NCAM2: variants seen among roughly 807,000 people sequenced by gnomAD.
NCAM2 encodes N-CAM-2.
In NCAM2, 30 loss-of-function variants were observed where a neutral mutation model predicts 98.1. That is an observed-to-expected ratio of 0.31 (90% CI 0.23 to 0.41). The LOEUF (loss-of-function observed/expected upper bound fraction) is 0.41, where lower values mean the gene tolerates loss of function less well. Ranked by LOEUF, NCAM2 falls within the 10% of genes least tolerant of loss-of-function variation. NCAM2 has a pLI of 1.00. For missense variants in NCAM2, 867 were observed against 1,005.8 expected (o/e 0.86, Z 1.87); for synonymous variants, 368 against 342.4 (o/e 1.07, Z -0.83).
intron 1 of NCAM2, chr21:21,210,435 C>A: frequency 2.2e-6 from 2 of 899,046 alleles, no homozygotes; most frequent in Non-Finnish European, 2.9e-6. Context: ...TATTTAAGAG[C>A]ACCAGGACAC....
chr21:21,079,349 T>C (rs1164480250), intron 1 of NCAM2, among the ~76,000 whole-genome samples: 1 of 152,128 alleles, frequency 6.6e-6, no homozygotes, highest in Non-Finnish European at 1.5e-5. Context: ...ATAAGACACC[T>C]CTATGAGTGA....
chr21:21,256,135 A>G (rs2071661318), intron 1 of NCAM2, among the ~76,000 whole-genome samples: 1 of 152,108 alleles, frequency 6.6e-6, no homozygotes, highest in South Asian at 2.1e-4. Flanking sequence ...TGGGTGGATC[A>G]CCTGAGGTCA....
At chr21:21,360,841 T>C (rs1388750019) in intron 8 of NCAM2, among the ~76,000 whole-genome samples, 1 of 152,010 alleles carries the variant, frequency 6.6e-6, no homozygotes, top group Non-Finnish European at 1.5e-5. Flanking sequence ...TTCCAGAACA[T>C]AACGTAAATT....
chr21:21,534,404 G>C (rs957145915), intron 16 of NCAM2, 133 bp from the exon 17 acceptor site: 1 of 648,206 alleles, frequency 1.5e-6, no homozygotes, highest in African/African-American at 1.9e-5. Context: ...GCATTTCTCA[G>C]TGGTTTTCTT....
chr21:21,365,167 A>C (rs1210187852), intron 8 of NCAM2, among the ~76,000 whole-genome samples: 5 of 152,042 alleles, frequency 3.3e-5, no homozygotes, highest in African/African-American at 1.2e-4. Context: ...AATTTCACAC[A>C]CACACAGAGA....
intron 5 of NCAM2, among the ~76,000 whole-genome samples, chr21:21,322,524 G>A (rs1421990495): frequency 1.3e-5 from 2 of 152,162 alleles, no homozygotes; most frequent in African/African-American, 4.8e-5. Flanking sequence ...CCTCTGCTAG[G>A]TGAAAAATCT....
intron 1 of NCAM2, among the ~76,000 whole-genome samples, chr21:21,262,163 G>A (rs4594535): frequency 0.99 from 150,950 of 152,242 alleles, 74,851 homozygotes; most frequent in East Asian, 1. Flanking sequence ...CCAGGAAGAA[G>A]TAGAAACTCT....
chr21:21,240,311 A>G (rs2071013662), intron 1 of NCAM2, among the ~76,000 whole-genome samples: 1 of 152,084 alleles, frequency 6.6e-6, no homozygotes, highest in Non-Finnish European at 1.5e-5. Context: ...AAAATTTTAT[A>G]GAGTTTTAAC....
intron 12 of NCAM2, among the ~76,000 whole-genome samples, chr21:21,463,549 C>G (rs1983274992): frequency 6.6e-6 from 1 of 152,056 alleles, no homozygotes; most frequent in Non-Finnish European, 1.5e-5. Context: ...TAGCCCAGGA[C>G]TGTAATAACA....
chr21:21,314,935 A>G (rs985605918), intron 5 of NCAM2, among the ~76,000 whole-genome samples: 2 of 152,240 alleles, frequency 1.3e-5, no homozygotes, highest in Non-Finnish European at 2.9e-5. Flanking sequence ...AACATGTGTC[A>G]GCATGCCATT....
intron 1 of NCAM2, among the ~76,000 whole-genome samples, chr21:21,106,314 C>CAAAAAAAAAAAGAAAAAAAAAAAAA: frequency 9.7e-6 from 1 of 103,490 alleles, no homozygotes; most frequent in Non-Finnish European, 1.8e-5. Context: ...GTCTCAAAAG[C>CAAAAAAAAAAAGAAAAAAAAAAAAA]AAAAAAAAAA....
intron 1 of NCAM2, among the ~76,000 whole-genome samples, chr21:21,006,179 A>G (rs752626752): frequency 6.6e-6 from 1 of 152,126 alleles, no homozygotes. Context: ...ACCATTGATA[A>G]ACCAGGGGAT....
chr21:21,421,856 A>C (rs2077117599), intron 11 of NCAM2, among the ~76,000 whole-genome samples: 1 of 152,218 alleles, frequency 6.6e-6, no homozygotes, highest in Non-Finnish European at 1.5e-5. Flanking sequence ...ATTTTTGTAC[A>C]CATTCAGTGG....
chr21:21,313,814 G>T (rs553727733), intron 5 of NCAM2, among the ~76,000 whole-genome samples: 1 of 151,892 alleles, frequency 6.6e-6, no homozygotes. Context: ...GTATTTTACT[G>T]TATCTATAAT....
intron 9 of NCAM2, among the ~76,000 whole-genome samples, chr21:21,387,870 CAGTG>C (rs2076302634): frequency 6.6e-6 from 1 of 152,070 alleles, no homozygotes; most frequent in Non-Finnish European, 1.5e-5. Context: ...ATGTGGGAAA[CAGTG>C]AGAAAGTCTA....
At chr21:21,303,120 G>A (rs1373943209) in intron 5 of NCAM2, among the ~76,000 whole-genome samples, 6 of 151,934 alleles carry the variant, frequency 3.9e-5, no homozygotes, top group Non-Finnish European at 5.9e-5. Flanking sequence ...AGAAAGGGAG[G>A]CGTGGGCTGA....
intron 1 of NCAM2, among the ~76,000 whole-genome samples, chr21:21,215,299 C>T (rs1458185875): frequency 6.6e-6 from 1 of 152,136 alleles, no homozygotes; most frequent in African/African-American, 2.4e-5. Flanking sequence ...GGAACACAGT[C>T]ATAGAGATGT....
rs1990127380 is a variant in NCAM2, at chr21:21,539,088, T to TAGA, written c.*1134_*1136dup. On this transcript the variant is annotated 3_prime_UTR_variant, in exon 18 of 18. Coordinates refer to ENST00000400546, the MANE Select transcript of NCAM2 (RefSeq NM_004540.5). ...TGTGTTCTATTCCGGATGTTCTAGC[T>TAGA]AGAAGTCATTTTAAGATTTTGATAA... 1 of 152,172 alleles carries TAGA rather than the reference T, an allele frequency of 6.6e-6. No individual in the cohort carries two copies. The highest frequency in any genetic ancestry group is 6.6e-5 in the Admixed American group (1 of 15,262). The allele number at this position is 152,172 out of a possible 1,614,324, so 9.4% of individuals were successfully genotyped here.
chr21:21,106,046 G>A (rs978436153), intron 1 of NCAM2, among the ~76,000 whole-genome samples: 7 of 151,972 alleles, frequency 4.6e-5, no homozygotes, highest in Admixed American at 3.3e-4. Flanking sequence ...ATGTGTACGT[G>A]TGTATGTAAA....
Sources: allele counts gnomAD v4.1 joint callset (sites outside exome capture counted in the v4.1 genomes callset), GRCh38; gene constraint gnomAD v4.1.1; transcripts MANE v1.5; gene names NCBI Gene and HGNC (gene_info 2026-07-23, HGNC 2026-07-21).